The following NTRK3 variants were observed in gnomAD, a reference collection of about 807,000 sequenced individuals.
The protein encoded by NTRK3 is neurotrophic receptor tyrosine kinase 3.
In NTRK3, 24 loss-of-function variants were observed where a neutral mutation model predicts 91.7. The ratio of observed to expected loss-of-function variants is 0.26; its 90% CI spans 0.19 to 0.37. The LOEUF is 0.37. Ranked by LOEUF, NTRK3 falls within the 10% of genes least tolerant of loss-of-function variation. The pLI is 1.00. For synonymous variants in NTRK3, 483 were observed against 404.0 expected, an observed-to-expected ratio of 1.20 and a Z score of -2.34; for missense variants, 880 against 1,068.9, an observed-to-expected ratio of 0.82 and a Z score of 2.46.
intron 15 of NTRK3, among the ~76,000 whole-genome samples, chr15:87,933,554 G>C (rs1204079089): frequency 6.6e-6 from 1 of 152,248 alleles, no homozygotes; most frequent in Non-Finnish European, 1.5e-5. Flanking sequence ...TGAGGAAACT[G>C]TCCCACAGCT....
chr15:88,033,082 T>C (rs2142025562), intron 13 of NTRK3, 37 bp from the exon 14 acceptor site: 1 of 1,544,014 alleles, frequency 6.5e-7, no homozygotes, highest in Non-Finnish European at 8.7e-7. Flanking sequence ...CCTGGTGACG[T>C]CACATCCGGC....
At chr15:88,094,144 G>A (rs1272681033) in intron 13 of NTRK3, among the ~76,000 whole-genome samples, 1 of 152,180 alleles carries the variant, frequency 6.6e-6, no homozygotes, top group African/African-American at 2.4e-5. Flanking sequence ...GCCTTTGGAA[G>A]AAGTGGGCTG....
chr15:88,240,789 A>T lies in NTRK3; in HGVS notation c.248+15117T>A, dbSNP rs550665712. Among the ~76,000 whole-genome samples the T allele has an allele frequency of 7.9e-5, 12 of 152,378 alleles. No individual in the cohort carries two copies. The highest frequency in any genetic ancestry group is 2.9e-4 in the African/African-American group (12 of 41,602). On this transcript the variant is annotated intron_variant, in intron 3 of 18. Transcript: ENST00000394480. The surrounding 1 kb of genome is among the most constrained non-coding windows in gnomAD (Gnocchi z 4.9). The stretch of plus-strand genomic sequence containing the variant: ...CCTTAAAGGAGCCCCCAGAGCAGTC[A>T]TCACACAGCATTTGCTGTCACTGTG...
In NTRK3 at chr15:88,123,886, A is replaced by G. The variant is rs1035494882; in HGVS notation, c.1396+2385T>C. 2.6e-5 allele frequency among the ~76,000 whole-genome samples: 4 copies of G among 152,182 alleles called. No homozygotes were observed. In the South Asian group the frequency reaches 8.3e-4, roughly 32 times the overall value. On this transcript the variant is annotated intron_variant, in intron 13 of 18. Coordinates refer to ENST00000394480, the Ensembl canonical transcript of NTRK3. The stretch of plus-strand genomic sequence containing the variant: ...AGGCATCAGACAGAATAGATTGCAA[A>G]TGTTTCTCATCAGACTTAACGAGTC...
chr15:88,031,950 C>T (rs766826461), intron 14 of NTRK3, among the ~76,000 whole-genome samples: 1 of 152,108 alleles, frequency 6.6e-6, no homozygotes, highest in African/African-American at 2.4e-5. Flanking sequence ...CCCAGAGCCT[C>T]GGTATTCCTG....
chr15:87,916,816 C>T (rs1050893570), intron 17 of NTRK3, among the ~76,000 whole-genome samples: 3 of 151,158 alleles, frequency 2.0e-5, no homozygotes, highest in African/African-American at 4.9e-5. Flanking sequence ...GGGTGGAGTG[C>T]GGTGGTGTGA....
intron 14 of NTRK3, among the ~76,000 whole-genome samples, chr15:88,025,962 G>GAAATA (rs1387923303): frequency 6.6e-6 from 1 of 151,904 alleles, no homozygotes; most frequent in Non-Finnish European, 1.5e-5. Context: ...GTCTCAAAAA[G>GAAATA]AAATAAAATA....
At chr15:88,206,209 G>T (rs532504593) in intron 3 of NTRK3, among the ~76,000 whole-genome samples, 1 of 149,882 alleles carries the variant, frequency 6.7e-6, no homozygotes, top group Admixed American at 6.7e-5. Context: ...GCCGGGCGAG[G>T]TGGCGGGCAC....
chr15:88,231,747 T>A (rs752625829), intron 3 of NTRK3, among the ~76,000 whole-genome samples: 1 of 152,142 alleles, frequency 6.6e-6, no homozygotes, highest in Admixed American at 6.5e-5. Flanking sequence ...TTTTCAGAGA[T>A]CACTTTTTGC....
intron 13 of NTRK3, among the ~76,000 whole-genome samples, chr15:88,083,693 C>T (rs2048256034): frequency 1.3e-5 from 2 of 152,196 alleles, no homozygotes; most frequent in South Asian, 4.1e-4. Context: ...GGCTCAAAGT[C>T]ACTGCAAGAG....
chr15:88,139,924 G>C (rs551269903), intron 6 of NTRK3, among the ~76,000 whole-genome samples: 3 of 150,796 alleles, frequency 2.0e-5, no homozygotes, highest in Non-Finnish European at 4.4e-5. Context: ...TGGGGTGGGA[G>C]GGGGGGAGTG....
At chr15:88,208,676 G>A (rs112602935) in intron 3 of NTRK3, among the ~76,000 whole-genome samples, 1 of 152,290 alleles carries the variant, frequency 6.6e-6, no homozygotes, top group African/African-American at 2.4e-5. Context: ...TTAAACTGCA[G>A]GAAGAGCTGG....
chr15:88,145,783 C>A (rs1164821292), intron 6 of NTRK3, among the ~76,000 whole-genome samples: 1 of 152,134 alleles, frequency 6.6e-6, no homozygotes, highest in East Asian at 1.9e-4. Flanking sequence ...ATGCAAGACA[C>A]CCAAGAAAGA....
chr15:88,068,856 C>A (rs138587467), intron 13 of NTRK3, among the ~76,000 whole-genome samples: 4 of 151,946 alleles, frequency 2.6e-5, no homozygotes, highest in Admixed American at 6.6e-5. Flanking sequence ...GATGGGGAAG[C>A]AAATGGAGCC....
At chr15:88,100,674 G>T (rs896404831) in intron 13 of NTRK3, among the ~76,000 whole-genome samples, 1 of 152,186 alleles carries the variant, frequency 6.6e-6, no homozygotes, top group African/African-American at 2.4e-5. Context: ...CCCTCTGAGT[G>T]AATGCCTGGG....
intron 14 of NTRK3, among the ~76,000 whole-genome samples, chr15:88,029,664 C>A (rs984824581): frequency 6.6e-6 from 1 of 152,192 alleles, no homozygotes; most frequent in African/African-American, 2.4e-5. Flanking sequence ...CATTTTTATT[C>A]TCTTAACCTT....
At chr15:87,932,934 T>C (rs1048817621) in intron 16 of NTRK3, 78 bp downstream of exon 16, 7 of 1,470,588 alleles carry the variant, frequency 4.8e-6, no homozygotes, top group African/African-American at 4.2e-5. Context: ...GGGGGTAGTA[T>C]AATTTCTGGC....
intron 14 of NTRK3, among the ~76,000 whole-genome samples, chr15:87,969,072 A>T (rs1051409296): frequency 6.6e-6 from 1 of 152,176 alleles, no homozygotes; most frequent in African/African-American, 2.4e-5. Flanking sequence ...CAATGGAATT[A>T]TCCTTCCTAT....
intron 13 of NTRK3, among the ~76,000 whole-genome samples, chr15:88,120,250 G>C (rs2052554637): frequency 6.6e-6 from 1 of 152,224 alleles, no homozygotes. Flanking sequence ...TCCAAATCAA[G>C]ACTCTGGCAG....
Sources: allele counts gnomAD v4.1 joint callset (sites outside exome capture counted in the v4.1 genomes callset), GRCh38; gene constraint gnomAD v4.1.1; non-coding constraint Gnocchi (gnomAD v3.1); transcripts MANE v1.5; gene names NCBI Gene and HGNC (gene_info 2026-07-23, HGNC 2026-07-21).